Variants in LIMCH1 observed in about 807,000 individuals in gnomAD.
LIMCH1 encodes the protein LIM and calponin homology domains-containing protein 1.
Under a neutral mutation model 176.5 loss-of-function variants are expected in LIMCH1, and 113 were observed. The observed-to-expected ratio is 0.64, with a 90% confidence interval of 0.55 to 0.75. LIMCH1 has a LOEUF of 0.75. Among genes scored for constraint, LIMCH1 ranks in the 30% least tolerant of loss-of-function variants. The pLI is 0.00. For missense variants in LIMCH1, 1,674 were observed against 1,814.9 expected (o/e 0.92, Z 1.41); for synonymous variants, 619 against 645.9 (o/e 0.96, Z 0.63).
chr4:41,653,726 G>A (rs1398263665), intron 18 of LIMCH1, among the ~76,000 whole-genome samples: 3 of 152,244 alleles, frequency 2.0e-5, no homozygotes, highest in Non-Finnish European at 2.9e-5. Flanking sequence ...GGGATTGCGT[G>A]TGGAGCGTCA....
intron 22 of LIMCH1, among the ~76,000 whole-genome samples, chr4:41,671,840 G>A (rs1222403022): frequency 8.9e-5 from 12 of 134,648 alleles, no homozygotes; most frequent in African/African-American, 1.4e-4. Context: ...CACCGAGATC[G>A]TGTCACTGCA....
chr4:41,670,407 T>G (rs2094972827), intron 21 of LIMCH1, among the ~76,000 whole-genome samples: 1 of 152,224 alleles, frequency 6.6e-6, no homozygotes, highest in Non-Finnish European at 1.5e-5. Context: ...TTTTTGTTCT[T>G]GCATAGTATA....
intron 9 of LIMCH1, 83 bp from the exon 10 acceptor site, chr4:41,631,065 G>GTTTTT: frequency 2.0e-6 from 2 of 1,006,664 alleles, no homozygotes. Context: ...ACTACTTCTA[G>GTTTTT]TTTTTTTTTT....
At chr4:41,621,543 C>T (rs2092579523) in intron 7 of LIMCH1, among the ~76,000 whole-genome samples, 1 of 151,778 alleles carries the variant, frequency 6.6e-6, no homozygotes, top group Admixed American at 6.6e-5. Context: ...ACTCCGTCAC[C>T]CAAGCTGGGG....
At chr4:41,389,485 G>T in intron 1 of LIMCH1, 1 of 189,700 alleles carries the variant, frequency 5.3e-6, no homozygotes, top group South Asian at 1.2e-4. Context: ...AATCATTACA[G>T]AGATCCTGGG....
At chr4:41,471,356 G>A (rs1159378776) in intron 1 of LIMCH1, among the ~76,000 whole-genome samples, 2 of 152,192 alleles carry the variant, frequency 1.3e-5, no homozygotes, top group African/African-American at 2.4e-5. Context: ...ATAAAAGCTT[G>A]AGGATGGTGG....
intron 1 of LIMCH1, among the ~76,000 whole-genome samples, chr4:41,375,126 A>T (rs1268049086): frequency 1.3e-5 from 2 of 152,198 alleles, no homozygotes; most frequent in African/African-American, 4.8e-5. Context: ...ACATTTTATT[A>T]AAAATGTGGT....
intron 5 of LIMCH1, among the ~76,000 whole-genome samples, chr4:41,616,110 A>G (rs1263088817): frequency 1.3e-5 from 2 of 152,240 alleles, no homozygotes; most frequent in African/African-American, 2.4e-5. Context: ...AATTAAGAAC[A>G]TATTTTGTAA....
Position 41,697,287 on chromosome 4 carries a change from C to T in LIMCH1, c.*102C>T. On this transcript the variant is annotated 3_prime_UTR_variant, in exon 32 of 32. Transcript: ENST00000503057. Reference sequence around the variant, plus strand: ...AAGCTCAGGGGCTTCTCAGCATTTACCTAATTTCTGAAAGGCTCTTCTGAA... The same window carrying T: ...AAGCTCAGGGGCTTCTCAGCATTTATCTAATTTCTGAAAGGCTCTTCTGAA... 1 of 1,042,508 alleles carries T rather than the reference C, an allele frequency of 9.6e-7. No individual in the cohort carries two copies. Among genetic ancestry groups the T allele is most frequent in the South Asian group, 1.3e-5 (1 of 74,404 alleles). The allele number at this position is 1,042,508 out of a possible 1,614,324, so 64.6% of individuals were successfully genotyped here. A position where few individuals can be genotyped will look rare whatever the true frequency, so the allele number is the denominator to read the frequency against.
chr4:41,411,011 T>TTC (rs1031299389), intron 1 of LIMCH1, among the ~76,000 whole-genome samples: 9 of 152,230 alleles, frequency 5.9e-5, no homozygotes, highest in Non-Finnish European at 1.2e-4. Context: ...ATCAGGTTAT[T>TTC]TCTTCTCCCT....
chr4:41,590,450 C>G (rs1454410083), intron 1 of LIMCH1, among the ~76,000 whole-genome samples: 1 of 152,048 alleles, frequency 6.6e-6, no homozygotes, highest in African/African-American at 2.4e-5. Flanking sequence ...CCCTCTGCAC[C>G]TGACATCTTT....
intron 1 of LIMCH1, among the ~76,000 whole-genome samples, chr4:41,369,043 G>A (rs1052433848): frequency 6.6e-6 from 1 of 152,184 alleles, no homozygotes; most frequent in African/African-American, 2.4e-5. Flanking sequence ...TCTCATTTGG[G>A]AACTTTTCCC....
In LIMCH1 at chr4:41,626,767, A is replaced by C. The variant is rs1284919082; in HGVS notation, c.785A>C (p.Asn262Thr). ...CGTGATATTGTCCTTCGCAAAGAAA[A>C]CTCTTTCCTGACCCACCAACATGGC... The part of the protein sequence containing the change: ...AIRDIVLRKE[N>T]SFLTHQHGND... The change falls in exon 8 of 32, where the codon AAC (asparagine) becomes ACC (threonine). Residue 262 changes from asparagine to threonine, a missense_variant. Physicochemically the swap from Asn to Thr is moderately conservative, Grantham distance 65 (BLOSUM62 0). Around this residue, in one of 3 missense-constraint regions of LIMCH1, gnomAD observed 655 missense variants for 692.2 expected, o/e 0.95. Coordinates refer to ENST00000503057, the MANE Select transcript of LIMCH1 (RefSeq NM_001330672.2). 6.5e-7 allele frequency: 1 copy of C among 1,536,022 alleles called. No individual in the cohort carries two copies. Among genetic ancestry groups the C allele is most frequent in the Non-Finnish European group, 8.7e-7 (1 of 1,146,910 alleles).
chr4:41,644,564 C>T lies in LIMCH1; in HGVS notation c.2191C>T (p.Arg731Cys), dbSNP rs1189370308. 1.2e-6 allele frequency: 2 copies of T among 1,608,452 alleles called. No homozygotes were observed. Among genetic ancestry groups the T allele is most frequent in the Non-Finnish European group, 1.7e-6 (2 of 1,177,666 alleles). The change falls in exon 15 of 32, where the codon CGC (arginine) becomes TGC (cysteine). Residue 731 changes from arginine (R) to cysteine (C), a missense_variant. Arg to Cys is a radical substitution (Grantham distance 180, BLOSUM62 -3). Around this residue, in one of 3 missense-constraint regions of LIMCH1, gnomAD observed 1,015 missense variants for 1,102.5 expected, o/e 0.92. Transcript: ENST00000503057. ...CGCGGTGCAGCCGCACAGCAGGGCC[C>T]GCCAGGAGCAGCTGCAGCTGATAAA... is the stretch of plus-strand genomic sequence containing the variant. ...EAAVQPHSRA[R>C]QEQLQLINNQ...
intron 1 of LIMCH1, among the ~76,000 whole-genome samples, chr4:41,424,601 G>A (rs2060907447): frequency 6.6e-6 from 1 of 152,128 alleles, no homozygotes; most frequent in Non-Finnish European, 1.5e-5. Flanking sequence ...GTTTTGTAAT[G>A]AAACTTATGA....
intron 30 of LIMCH1, 109 bp downstream of exon 30, chr4:41,689,744 T>C: frequency 1.4e-6 from 1 of 693,810 alleles, no homozygotes; most frequent in Non-Finnish European, 2.6e-6. Context: ...GTCTGTGAGG[T>C]CTCACTGTCT....
intron 1 of LIMCH1, among the ~76,000 whole-genome samples, chr4:41,474,565 A>C (rs2067452792): frequency 6.6e-6 from 1 of 152,226 alleles, no homozygotes; most frequent in South Asian, 2.1e-4. Flanking sequence ...CAACAGATAT[A>C]TGAAAATATG....
At chr4:41,382,664 G>T (rs1424389086) in intron 1 of LIMCH1, among the ~76,000 whole-genome samples, 1 of 152,140 alleles carries the variant, frequency 6.6e-6, no homozygotes, top group African/African-American at 2.4e-5. Context: ...TGCACATTTG[G>T]TTTCCCCTGT....
At chr4:41,647,978 A>G (rs1181050628) in intron 17 of LIMCH1, among the ~76,000 whole-genome samples, 1 of 152,186 alleles carries the variant, frequency 6.6e-6, no homozygotes, top group Admixed American at 6.5e-5. Flanking sequence ...CAGAGTAGGC[A>G]CTCAGCAAGT....
Sources: allele counts gnomAD v4.1 joint callset (sites outside exome capture counted in the v4.1 genomes callset), GRCh38; gene constraint gnomAD v4.1.1; regional missense constraint gnomAD v4.1.1; transcripts MANE v1.5; gene names NCBI Gene and HGNC (gene_info 2026-07-23, HGNC 2026-07-21).